The following MAP4K4 variants were observed in gnomAD, a reference collection of about 807,000 sequenced individuals.
MAP4K4 encodes the protein mitogen-activated protein kinase kinase kinase kinase 4, also known as HPK/GCK-like kinase HGK.
MAP4K4 carries 38 observed loss-of-function variants against 189.6 expected under a neutral mutation model. The observed-to-expected ratio is 0.20, with a 90% CI of 0.15 to 0.26. The LOEUF is 0.26. Ranked by LOEUF, MAP4K4 falls within the 10% of genes least tolerant of loss-of-function variation. The probability of loss-of-function intolerance (pLI) is 1.00; values close to 1 mark genes in which losing one functional copy is unlikely to be tolerated. For missense variants in MAP4K4, 1,054 were observed against 1,726.9 expected (o/e 0.61, Z 6.91); for synonymous variants, 610 against 624.3 (o/e 0.98, Z 0.34).
At chr2:101,877,795 G>A (rs1442275869) in intron 27 of MAP4K4, among the ~76,000 whole-genome samples, 1 of 151,494 alleles carries the variant, frequency 6.6e-6, no homozygotes, top group Non-Finnish European at 1.5e-5. Flanking sequence ...TGTCACCCAG[G>A]CTGGAGTGCA....
intron 2 of MAP4K4, among the ~76,000 whole-genome samples, chr2:101,716,016 A>G (rs2048171987): frequency 6.6e-6 from 1 of 152,184 alleles, no homozygotes; most frequent in African/African-American, 2.4e-5. Flanking sequence ...ATGATCTGTC[A>G]CTGTCTCCCA....
intron 2 of MAP4K4, among the ~76,000 whole-genome samples, chr2:101,727,348 G>A (rs1003028015): frequency 1.3e-5 from 2 of 152,136 alleles, no homozygotes; most frequent in East Asian, 1.9e-4. Flanking sequence ...TTTTAAAGCC[G>A]CTATGAGAGT....
chr2:101,790,086 C>G lies in MAP4K4; in HGVS notation c.124-634C>G, dbSNP rs546337230. ...AAAAAAAGAATTTGTTTGATAGTTT[C>G]GTCATGTTATGCTTTAGCTTGTTTC... On this transcript the variant is annotated intron_variant, in intron 2 of 32. Coordinates refer to ENST00000324219, the Ensembl canonical transcript of MAP4K4. 7.2e-5 allele frequency among the ~76,000 whole-genome samples: 11 copies of G among 152,200 alleles called. 1 individual carries two copies. In the South Asian group the frequency reaches 2.3e-3, roughly 32 times the overall value.
intron 9 of MAP4K4, among the ~76,000 whole-genome samples, chr2:101,837,220 T>A (rs1280281037): frequency 6.6e-6 from 1 of 151,984 alleles, no homozygotes; most frequent in East Asian, 1.9e-4. Context: ...CCATTCTGAG[T>A]TTGGCCTTCA....
chr2:101,798,166 G>A (rs559835136), intron 3 of MAP4K4, among the ~76,000 whole-genome samples: 45 of 151,566 alleles, frequency 3.0e-4, no homozygotes, highest in African/African-American at 1.1e-3. Flanking sequence ...TCATGTCTCA[G>A]CCTCCCAAAG....
At chr2:101,892,681 G>A in exon 33 of MAP4K4, 1 of 336,590 alleles carries the variant, frequency 3.0e-6, no homozygotes, top group South Asian at 2.3e-5. Flanking sequence ...CTGTGTTTTA[G>A]GTGTAATATC....
chr2:101,754,680 T>C (rs577719071), intron 2 of MAP4K4, among the ~76,000 whole-genome samples: 1 of 152,276 alleles, frequency 6.6e-6, no homozygotes, highest in African/African-American at 2.4e-5. Context: ...TTGATGTAAG[T>C]TTTCATCAAG....
intron 29 of MAP4K4, 23 bp from the exon 30 acceptor site, chr2:101,887,065 C>T (rs527327372): frequency 1.6e-4 from 215 of 1,334,576 alleles, no homozygotes; most frequent in South Asian, 2.8e-5. Context: ...CATCTTCTCA[C>T]TTCTCTTATG....
At chr2:101,754,699 A>G (rs903722901) in intron 2 of MAP4K4, among the ~76,000 whole-genome samples, 2 of 152,210 alleles carry the variant, frequency 1.3e-5, no homozygotes, top group Non-Finnish European at 2.9e-5. Flanking sequence ...AGCAGAGTTA[A>G]TTCAAACACA....
intron 19 of MAP4K4, among the ~76,000 whole-genome samples, chr2:101,866,854 T>G (rs1281540862): frequency 2.0e-5 from 3 of 150,078 alleles, no homozygotes; most frequent in African/African-American, 7.4e-5. Context: ...AGCTAGGATT[T>G]GAACCCATTT....
At chr2:101,859,920 T>C in intron 15 of MAP4K4, 56 bp downstream of exon 15, 1 of 1,495,996 alleles carries the variant, frequency 6.7e-7, no homozygotes, top group East Asian at 2.4e-5. Context: ...ATAACGACTC[T>C]TCAGAACTGT....
intron 2 of MAP4K4, among the ~76,000 whole-genome samples, chr2:101,728,373 A>G (rs2149533404): frequency 6.6e-6 from 1 of 152,332 alleles, no homozygotes; most frequent in East Asian, 1.9e-4. Context: ...TCTGGAGACC[A>G]CACTTTGAGA....
intron 7 of MAP4K4, among the ~76,000 whole-genome samples, chr2:101,832,942 A>G (rs2096631974): frequency 6.6e-6 from 1 of 152,200 alleles, no homozygotes; most frequent in African/African-American, 2.4e-5. Context: ...AATTTGTATC[A>G]AGGAAAACCT....
At chr2:101,870,406 C>T (rs1241854160) in exon 23 of MAP4K4, 18 of 1,613,510 alleles carry the variant, frequency 1.1e-5, no homozygotes, top group East Asian at 4.5e-5. Context: ...GCACTCTAAT[C>T]GTCCGCCAGG....
At chr2:101,776,469 C>T (rs2084178128) in intron 2 of MAP4K4, among the ~76,000 whole-genome samples, 1 of 150,938 alleles carries the variant, frequency 6.6e-6, no homozygotes, top group South Asian at 2.1e-4. Flanking sequence ...TCAGCTTTAA[C>T]AAATCTGTTT....
chr2:101,882,498 G>T (rs1317574303), intron 27 of MAP4K4, 53 bp from the exon 28 acceptor site: 24 of 1,380,078 alleles, frequency 1.7e-5, no homozygotes, highest in Non-Finnish European at 2.2e-5. Context: ...TGTTATTAAT[G>T]ATGAGACCTA....
At chr2:101,880,652 G>T (rs942968317) in intron 27 of MAP4K4, among the ~76,000 whole-genome samples, 4 of 152,024 alleles carry the variant, frequency 2.6e-5, no homozygotes, top group Non-Finnish European at 4.4e-5. Flanking sequence ...GGGATTATAG[G>T]CATGTGCCAC....
At chr2:101,704,612 G>A (rs1257182518) in intron 2 of MAP4K4, among the ~76,000 whole-genome samples, 5 of 113,482 alleles carry the variant, frequency 4.4e-5, no homozygotes, top group Non-Finnish European at 6.5e-5. Flanking sequence ...TCGCTCTGTC[G>A]CCCAGGCTGG....
chr2:101,759,530 CTCCCCATTCCACTCCCCTCCCCT>C (rs1558773907), intron 2 of MAP4K4, among the ~76,000 whole-genome samples: 37 of 41,026 alleles, frequency 9.0e-4, no homozygotes, highest in Non-Finnish European at 9.6e-4. Flanking sequence ...TTCCCCTCCC[CTCCCCATTCCACTCCCCTCCCCT>C]CTCCCCTCCC....
Sources: allele counts gnomAD v4.1 joint callset (sites outside exome capture counted in the v4.1 genomes callset), GRCh38; gene constraint gnomAD v4.1.1; transcripts MANE v1.5; gene names NCBI Gene and HGNC (gene_info 2026-07-23, HGNC 2026-07-21).